The following NMNAT2 variants were observed in gnomAD, a reference collection of about 807,000 sequenced individuals.
The protein encoded by NMNAT2 is nicotinamide nucleotide adenylyltransferase 2, also known as nicotinamide/nicotinic acid mononucleotide adenylyltransferase 2.
NMNAT2 carries 11 observed loss-of-function variants against 41.6 expected under a neutral mutation model. That is an observed-to-expected ratio of 0.26 (90% CI 0.17 to 0.44). The LOEUF (loss-of-function observed/expected upper bound fraction) is 0.44. Ranked by LOEUF, NMNAT2 falls within the 20% of genes least tolerant of loss-of-function variation. The pLI is 1.00. For missense variants in NMNAT2, 288 were observed against 407.7 expected (o/e 0.71, Z 2.53); for synonymous variants, 148 against 151.2 (o/e 0.98, Z 0.16).
At chr1:183,264,313 A>T (rs1012946684) in intron 8 of NMNAT2, among the ~76,000 whole-genome samples, 1 of 152,038 alleles carries the variant, frequency 6.6e-6, no homozygotes, top group African/African-American at 2.4e-5. Context: ...CTCTCCACTC[A>T]GTACCTAATG....
At chr1:183,307,645 A>G (rs1662023775) in intron 1 of NMNAT2, among the ~76,000 whole-genome samples, 1 of 151,980 alleles carries the variant, frequency 6.6e-6, no homozygotes, top group Admixed American at 6.5e-5. Flanking sequence ...GTTTCACCAC[A>G]TTGGCTAGGC....
chr1:183,284,885 T>G (rs1204345460), intron 5 of NMNAT2, 95 bp from the exon 6 acceptor site: 1 of 966,578 alleles, frequency 1.0e-6, no homozygotes, highest in Non-Finnish European at 1.7e-6. Flanking sequence ...GCTGTAAACA[T>G]CAGGGTGCAT....
At chr1:183,304,164 A>G (rs1661936953) in intron 1 of NMNAT2, among the ~76,000 whole-genome samples, 1 of 152,126 alleles carries the variant, frequency 6.6e-6, no homozygotes, top group East Asian at 1.9e-4. Flanking sequence ...GGCTGGGTGG[A>G]AGTTTTCTAG....
intron 1 of NMNAT2, among the ~76,000 whole-genome samples, chr1:183,402,960 C>CTT (rs5779174): frequency 7.0e-6 from 1 of 142,420 alleles, no homozygotes; most frequent in African/African-American, 2.6e-5. Context: ...AACATCATAT[C>CTT]TTTTTTTTTT....
chr1:183,284,899 C>T (rs368429304), intron 5 of NMNAT2, 109 bp from the exon 6 acceptor site: 14 of 857,006 alleles, frequency 1.6e-5, no homozygotes, highest in African/African-American at 5.0e-5. Context: ...GGTGCATGGA[C>T]GGGGCAGGAG....
At chr1:183,273,178 C>G (rs1246182844) in intron 8 of NMNAT2, among the ~76,000 whole-genome samples, 1 of 152,230 alleles carries the variant, frequency 6.6e-6, no homozygotes, top group Non-Finnish European at 1.5e-5. Context: ...CTTCCTTTTT[C>G]TGTCCATAAA....
intron 1 of NMNAT2, among the ~76,000 whole-genome samples, chr1:183,335,888 A>G (rs1662670551): frequency 1.3e-5 from 2 of 152,224 alleles, no homozygotes; most frequent in African/African-American, 2.4e-5. Flanking sequence ...CTGTGAATAC[A>G]ATAGGCTGGC....
intron 1 of NMNAT2, among the ~76,000 whole-genome samples, chr1:183,388,959 A>G (rs962851166): frequency 6.6e-6 from 1 of 152,100 alleles, no homozygotes; most frequent in Non-Finnish European, 1.5e-5. Context: ...ACGTGATTCC[A>G]TTACCCTCAA....
intron 1 of NMNAT2, among the ~76,000 whole-genome samples, chr1:183,298,783 AACAAGAG>A (rs2102314441): frequency 6.6e-6 from 1 of 152,340 alleles, no homozygotes; most frequent in South Asian, 2.1e-4. Flanking sequence ...CAACAACAAC[AACAAGAG>A]ACATACTATG....
chr1:183,273,517 A>G (rs1399404122), intron 8 of NMNAT2, among the ~76,000 whole-genome samples: 2 of 152,240 alleles, frequency 1.3e-5, no homozygotes, highest in Non-Finnish European at 2.9e-5. Flanking sequence ...AAATTCCTAA[A>G]ATGGGCGTTT....
intron 8 of NMNAT2, among the ~76,000 whole-genome samples, chr1:183,264,750 C>A (rs1473783741): frequency 6.6e-6 from 1 of 152,106 alleles, no homozygotes; most frequent in African/African-American, 2.4e-5. Flanking sequence ...TGCCCTCAGT[C>A]CAACGAGTAC....
At chr1:183,289,927 G>A (rs1661494839) in intron 4 of NMNAT2, among the ~76,000 whole-genome samples, 1 of 152,238 alleles carries the variant, frequency 6.6e-6, no homozygotes, top group Non-Finnish European at 1.5e-5. Context: ...AGACCCTGGT[G>A]CTACTCGGGG....
In NMNAT2 at chr1:183,324,555, CCT is replaced by C. The variant is rs1272680772; in HGVS notation, c.86-30764_86-30763del. Among the ~76,000 whole-genome samples the C allele has an allele frequency of 3.3e-5, 5 of 152,148 alleles. No individual in the cohort carries two copies. The East Asian group carries it at 7.7e-4, about 23-fold the overall frequency. ...CCATTTTCACCATCCTCAGTTCAAGCCTCTCTGCCAGAACCAACAGCGCAAAC... is the reference window on the plus strand; with the variant it reads ...CCATTTTCACCATCCTCAGTTCAAGCCTCTGCCAGAACCAACAGCGCAAAC... On this transcript the variant is annotated intron_variant, in intron 1 of 10. Coordinates refer to ENST00000287713, the MANE Select transcript of NMNAT2 (RefSeq NM_015039.4).
chr1:183,332,457 A>C (rs1295199762), intron 1 of NMNAT2, among the ~76,000 whole-genome samples: 2 of 152,228 alleles, frequency 1.3e-5, no homozygotes, highest in Admixed American at 1.3e-4. Flanking sequence ...AAAGCACTAA[A>C]TGCTGAATAA....
chr1:183,306,981 C>T (rs545747779), intron 1 of NMNAT2, among the ~76,000 whole-genome samples: 3 of 152,090 alleles, frequency 2.0e-5, no homozygotes, highest in Admixed American at 6.5e-5. Context: ...GGCCATATTT[C>T]TATTTCATGA....
chr1:183,274,695 G>A (rs1661078645), intron 8 of NMNAT2, among the ~76,000 whole-genome samples: 1 of 151,712 alleles, frequency 6.6e-6, no homozygotes, highest in Admixed American at 6.6e-5. Flanking sequence ...ACTTTGGGAG[G>A]CGGAGGTGGG....
chr1:183,252,485 C>T lies in NMNAT2; in HGVS notation c.*156G>A. The T allele has an allele frequency of 5.2e-6, 3 of 576,182 alleles. No individual in the cohort carries two copies. Among genetic ancestry groups the T allele is most frequent in the Non-Finnish European group, 3.3e-6 (1 of 307,416 alleles). The allele number at this position is 576,182 out of a possible 1,614,324, so 35.7% of individuals were successfully genotyped here. ...AAAGATGACTGTGGAATAGGGAATG[C>T]CATGGTTCTCTGCAGGTCCCCCACA... On this transcript the variant is annotated 3_prime_UTR_variant, in exon 11 of 11. Transcript: ENST00000287713.
At chr1:183,350,104 G>T (rs1571613809) in intron 1 of NMNAT2, among the ~76,000 whole-genome samples, 1 of 152,192 alleles carries the variant, frequency 6.6e-6, no homozygotes, top group East Asian at 1.9e-4. Context: ...AGCATATGAA[G>T]ATATACAAGA....
At chr1:183,278,794 C>T in intron 7 of NMNAT2, 165 bp from the exon 8 acceptor site, 1 of 599,416 alleles carries the variant, frequency 1.7e-6, no homozygotes, top group South Asian at 1.9e-5. Context: ...GAGCAGAAAC[C>T]CCTGCTCACC....
Sources: allele counts gnomAD v4.1 joint callset (sites outside exome capture counted in the v4.1 genomes callset), GRCh38; gene constraint gnomAD v4.1.1; transcripts MANE v1.5; gene names NCBI Gene and HGNC (gene_info 2026-07-23, HGNC 2026-07-21).